The following IGFL4 variants were observed in gnomAD, a reference collection of about 807,000 sequenced individuals.
IGFL4 encodes insulin growth factor-like family member 4.
Under a neutral mutation model 15.4 loss-of-function variants are expected in IGFL4, and 12 were observed. That is an observed-to-expected ratio of 0.78 (90% CI 0.50 to 1.26). The LOEUF (loss-of-function observed/expected upper bound fraction) is 1.26, where lower values mean the gene tolerates loss of function less well. Among genes scored for constraint, IGFL4 ranks in the 50% most tolerant of loss-of-function variants. The probability of loss-of-function intolerance (pLI) is 0.00; values close to 1 mark genes in which losing one functional copy is unlikely to be tolerated. For missense variants in IGFL4, 126 were observed against 147.8 expected (o/e 0.85, Z 0.76); for synonymous variants, 54 against 55.9 (o/e 0.97, Z 0.16).
chr19:46,055,974 A>C (rs1378819047), intron 2 of IGFL4, among the ~76,000 whole-genome samples: 1 of 152,114 alleles, frequency 6.6e-6, no homozygotes, highest in Non-Finnish European at 1.5e-5. Flanking sequence ...ACAGGGTTTC[A>C]CCATGTTGGC....
intron 2 of IGFL4, chr19:46,059,266 T>A (rs11669138): frequency 1.3e-5 from 2 of 151,960 alleles, no homozygotes; most frequent in Non-Finnish European, 2.9e-5. Context: ...GGAGTTGTTC[T>A]GATTCAAATG....
Position 46,040,099 on chromosome 19 carries a change from A to G in IGFL4, c.330+58T>C. 1 of 1,602,302 alleles carries G rather than the reference A, an allele frequency of 6.2e-7. No homozygotes were observed. The highest frequency in any genetic ancestry group is 8.5e-7 in the Non-Finnish European group (1 of 1,171,704). ...TGCACATCTGGGTGGGACATGGACA[A>G]CCAAGCTCCATTCCCTACTCCCCCC... On this transcript the variant is annotated intron_variant, in intron 3 of 3. Transcript: ENST00000377697. This position sits in a 1 kb window ranked among gnomAD's most constrained non-coding sequence, Gnocchi z 4.1.
At position 46,068,020 on chromosome 19, in the gene IGFL4, T is replaced by A. The variant is rs568371905; in HGVS notation, c.-431-7727A>T. ...TGAACTCTGACTGCACCTTCCCCCA[T>A]AATCAAAGAAGGATCCAGGTAGGAA... On this transcript the variant is annotated intron_variant, in intron 1 of 5. Coordinates refer to the IGFL4 transcript ENST00000601672. 2.6e-5 allele frequency among the ~76,000 whole-genome samples: 4 copies of A among 152,284 alleles called. No homozygotes were observed. In the South Asian group the frequency reaches 8.3e-4, roughly 32 times the overall value.
At chr19:46,043,960 C>A (rs1014216340), upstream of IGFL4, among the ~76,000 whole-genome samples, 13 of 152,176 alleles carry the variant, frequency 8.5e-5, no homozygotes, top group Non-Finnish European at 8.8e-5. Context: ...ACCGCACTCA[C>A]AGAGAGGAAT....
chr19:46,054,493 T>C (rs981539730), intron 2 of IGFL4, among the ~76,000 whole-genome samples: 4 of 152,246 alleles, frequency 2.6e-5, no homozygotes, highest in Non-Finnish European at 4.4e-5. Context: ...TGCCATGCTA[T>C]TTTGGTTACG....
intron 1 of IGFL4, among the ~76,000 whole-genome samples, chr19:46,075,510 T>C (rs1374079376): frequency 6.6e-6 from 1 of 152,194 alleles, no homozygotes; most frequent in Non-Finnish European, 1.5e-5. Context: ...ATATCCCTAC[T>C]GGAATTTGTG....
At chr19:46,039,975 A>G (rs1969220627) in intron 3 of IGFL4, 39 bp from the exon 4 acceptor site, 1 of 1,582,150 alleles carries the variant, frequency 6.3e-7, no homozygotes. Context: ...AATAAGAGGG[A>G]GGGTGGTAGC....
chr19:46,064,102 T>G (rs1372173763), intron 1 of IGFL4, among the ~76,000 whole-genome samples: 3 of 152,090 alleles, frequency 2.0e-5, no homozygotes, highest in Admixed American at 2.0e-4. Context: ...ACAGCTTTTT[T>G]CTTCCTGGAA....
intron 2 of IGFL4, among the ~76,000 whole-genome samples, chr19:46,055,550 T>A (rs1006753198): frequency 2.0e-5 from 3 of 152,170 alleles, no homozygotes; most frequent in Admixed American, 2.0e-4. Context: ...TGAAATGAGG[T>A]CAAAGCTCTT....
intron 1 of IGFL4, among the ~76,000 whole-genome samples, chr19:46,068,153 T>C (rs7251500): frequency 0.44 from 66,806 of 152,132 alleles, 17,476 homozygotes; most frequent in Non-Finnish European, 0.6. Flanking sequence ...CTCTCCACCT[T>C]TTGTCACAGA....
chr19:46,070,140 C>CT (rs1969531698), intron 1 of IGFL4, among the ~76,000 whole-genome samples: 1 of 98,400 alleles, frequency 1.0e-5, no homozygotes, highest in Non-Finnish European at 2.0e-5. Context: ...AAGCAAATCT[C>CT]TAAGATTTTT....
chr19:46,070,428 T>C (rs182687147), intron 1 of IGFL4, among the ~76,000 whole-genome samples: 1 of 152,264 alleles, frequency 6.6e-6, no homozygotes, highest in African/African-American at 2.4e-5. Context: ...CCTTATTTCA[T>C]TTTGTAGTCT....
At chr19:46,058,281 C>A (rs1205416592) in intron 2 of IGFL4, 1 of 152,104 alleles carries the variant, frequency 6.6e-6, no homozygotes, top group African/African-American at 2.4e-5. Context: ...AGTTAGAAAT[C>A]CAGCAGGGCA....
chr19:46,041,568 T>C (rs1969243479), upstream of IGFL4, among the ~76,000 whole-genome samples: 1 of 151,428 alleles, frequency 6.6e-6, no homozygotes, highest in Non-Finnish European at 1.5e-5. Context: ...ATCTCTGGGA[T>C]TCCAGATAGG....
intron 2 of IGFL4, chr19:46,058,209 T>G (rs1969410926): frequency 6.6e-6 from 1 of 152,174 alleles, no homozygotes; most frequent in Admixed American, 6.5e-5. Context: ...AGGTATCGGG[T>G]AAATACACCC....
At chr19:46,074,591 G>A (rs1469058347) in intron 1 of IGFL4, among the ~76,000 whole-genome samples, 3 of 152,050 alleles carry the variant, frequency 2.0e-5, no homozygotes, top group East Asian at 1.9e-4. Context: ...CTTGGAGTCC[G>A]ATGTTTGAGG....
intron 3 of IGFL4, 42 bp from the exon 4 acceptor site, chr19:46,039,978 G>T: frequency 6.5e-7 from 1 of 1,535,670 alleles, no homozygotes; most frequent in Non-Finnish European, 9.0e-7. Context: ...AAGAGGGAGG[G>T]TGGTAGCAGC....
At chr19:46,045,244 A>G (rs1287950949), upstream of IGFL4, among the ~76,000 whole-genome samples, 1 of 152,110 alleles carries the variant, frequency 6.6e-6, no homozygotes, top group Non-Finnish European at 1.5e-5. Flanking sequence ...GGAGTTAGAG[A>G]CCAGCCTGAC....
chr19:46,044,026 A>G (rs552194220), upstream of IGFL4, among the ~76,000 whole-genome samples: 2 of 152,282 alleles, frequency 1.3e-5, no homozygotes, highest in Non-Finnish European at 2.9e-5. Context: ...TGTCACTCTC[A>G]ACCCATGGAG....
Sources: gnomAD v4.1 joint callset for allele counts (sites outside exome capture counted in the v4.1 genomes callset) on GRCh38, gnomAD v4.1.1 for gene constraint, Gnocchi (gnomAD v3.1) non-coding constraint, MANE v1.5 for transcripts, NCBI Gene and HGNC (gene_info 2026-07-23, HGNC 2026-07-21) for gene names.